DDIAS: variants seen among roughly 807,000 people sequenced by gnomAD.
DDIAS encodes DNA damage induced apoptosis suppressor, also known as DNA damage-induced apoptosis suppressor protein.
A neutral mutation model predicts 15.7 loss-of-function variants in DDIAS; 14 were observed. The ratio of observed to expected loss-of-function variants is 0.89; its 90% CI spans 0.59 to 1.39. The LOEUF is 1.39. Ranked by LOEUF, DDIAS falls within the 40% of genes most tolerant of loss-of-function variation. DDIAS has a pLI of 0.00. For missense variants in DDIAS, 1,035 were observed against 1,130.9 expected, an observed-to-expected ratio of 0.92 and a Z score of 1.22; for synonymous variants, 355 against 395.9, an observed-to-expected ratio of 0.90 and a Z score of 1.23.
At chr11:82,920,367 A>G (rs1860720403) in intron 3 of DDIAS, among the ~76,000 whole-genome samples, 2 of 151,862 alleles carry the variant, frequency 1.3e-5, no homozygotes, top group South Asian at 2.1e-4. Context: ...TTTTGTTTCA[A>G]TTACATTTAG....
intron 3 of DDIAS, among the ~76,000 whole-genome samples, chr11:82,915,912 G>A (rs569216870): frequency 3.9e-5 from 6 of 152,086 alleles, no homozygotes; most frequent in African/African-American, 1.4e-4. Flanking sequence ...CTTAGACACC[G>A]CAACTTTACG....
chr11:82,916,711 G>A (rs1048116354), intron 3 of DDIAS, among the ~76,000 whole-genome samples: 1 of 152,162 alleles, frequency 6.6e-6, no homozygotes, highest in African/African-American at 2.4e-5. Flanking sequence ...AGTAGGCACT[G>A]TGCTAGGAAC....
chr11:82,930,913 G>T lies in DDIAS; in HGVS notation c.393+639G>T, dbSNP rs1035540822. The stretch of plus-strand genomic sequence containing the variant: ...AATCCAAAGGGAAGGTAGAATCAAC[G>T]GCTACAGAGCTTTACTTGTTAAAAT... On this transcript the variant is annotated intron_variant, in intron 5 of 5. Transcript: ENST00000533655. 4.6e-5 allele frequency among the ~76,000 whole-genome samples: 7 copies of T among 152,090 alleles called. 1 individual carries two copies. Among genetic ancestry groups the T allele is most frequent in the Non-Finnish European group, 2.9e-5 (2 of 67,998 alleles).
chr11:82,931,850 G>C lies in DDIAS; in HGVS notation c.512G>C (p.Gly171Ala), dbSNP rs768719278. 1 of 1,614,164 alleles carries C rather than the reference G, an allele frequency of 6.2e-7. No homozygotes were observed. ...TGCCAGATTGTTCTACCAGACCCAGGTATTGCAGGCTTTACTGTCATTGAC... is the reference window on the plus strand; with the variant it reads ...TGCCAGATTGTTCTACCAGACCCAGCTATTGCAGGCTTTACTGTCATTGAC... ...VACQIVLPDP[G>A]IAGFTVIDYF... The change falls in exon 6 of 6, where the codon GGT (glycine) becomes GCT (alanine). Residue 171 changes from glycine to alanine, a missense_variant. Coordinates refer to ENST00000533655, the MANE Select transcript of DDIAS (RefSeq NM_145018.4).
intron 4 of DDIAS, among the ~76,000 whole-genome samples, chr11:82,929,834 A>G (rs1860946691): frequency 1.3e-5 from 2 of 152,214 alleles, no homozygotes; most frequent in South Asian, 4.1e-4. Flanking sequence ...TATCAGAGAA[A>G]AGGGATGACT....
chr11:82,933,530 C>A lies in DDIAS; in HGVS notation c.2192C>A (p.Ser731Ter). Residue 731 changes from serine (S) to a stop codon, truncating the protein, a stop_gained, in exon 6 of 6, where the codon TCA becomes TAA. Coordinates refer to ENST00000533655, the MANE Select transcript of DDIAS (RefSeq NM_145018.4). LOFTEE classifies it low-confidence loss of function (END_TRUNC). ...CTTTCTGAAGACTTCATCCAGCCTT[C>A]ACAAAAATTATCCTTGCAAAGCCTA... Reference protein sequence around the residue: ...RSLSEDFIQPSQKLSLQSLSD... With the variant: ...RSLSEDFIQP The A allele has an allele frequency of 6.2e-7, 1 of 1,614,062 alleles. No individual in the cohort carries two copies. The highest frequency in any genetic ancestry group is 8.5e-7 in the Non-Finnish European group (1 of 1,179,990).
Position 82,911,647 on chromosome 11 carries a change from T to A in DDIAS, c.-116-1640T>A, listed in dbSNP as rs79555968. On this transcript the variant is annotated intron_variant, in intron 1 of 5. Transcript: ENST00000533655. ...GGACTGGAATCAGCTTCTTCCAAACTCCAATTAGTGTGGATATTTTGACTT... is the reference window on the plus strand; with the variant it reads ...GGACTGGAATCAGCTTCTTCCAAACACCAATTAGTGTGGATATTTTGACTT... Among the ~76,000 whole-genome samples the A allele has an allele frequency of 2.0e-5, 3 of 152,180 alleles. No homozygotes were observed. The South Asian group carries it at 6.2e-4, about 32-fold the overall frequency.
intron 3 of DDIAS, among the ~76,000 whole-genome samples, chr11:82,915,917 T>G (rs967486437): frequency 6.6e-6 from 1 of 152,178 alleles, no homozygotes; most frequent in African/African-American, 2.4e-5. Context: ...ACACCGCAAC[T>G]TTACGCAAAA....
At chr11:82,928,119 CAATT>C (rs1377718310) in intron 3 of DDIAS, among the ~76,000 whole-genome samples, 1 of 141,590 alleles carries the variant, frequency 7.1e-6, no homozygotes, top group East Asian at 2.1e-4. Context: ...GAGAAAAATG[CAATT>C]AAGTGCTTTG....
intron 5 of DDIAS, among the ~76,000 whole-genome samples, chr11:82,930,517 T>G (rs1480305255): frequency 6.6e-6 from 1 of 152,060 alleles, no homozygotes; most frequent in East Asian, 1.9e-4. Context: ...ATTTATTATA[T>G]ATTTAGAAAT....
Position 82,931,788 on chromosome 11 carries a change from C to T in DDIAS, c.450C>T (p.Cys150=). The T allele has an allele frequency of 6.2e-7, 1 of 1,614,154 alleles. No individual in the cohort carries two copies. Among genetic ancestry groups the T allele is most frequent in the Non-Finnish European group, 8.5e-7 (1 of 1,180,006 alleles). ...ATGCCAGTAACTTCTTACAGCAATG[C>T]TCTGACCACAAAAGAAAAGCCAAAG... ...GSDASNFLQQ[C]SDHKRKAKAL... is the part of the protein sequence containing the mutation. The change falls in exon 6 of 6, where the codon TGC becomes TGT. Residue 150 remains cysteine, a synonymous_variant. Coordinates refer to ENST00000533655, the MANE Select transcript of DDIAS (RefSeq NM_145018.4).
Position 82,932,891 on chromosome 11 carries a change from A to G in DDIAS, c.1553A>G (p.Glu518Gly). 6.2e-7 allele frequency: 1 copy of G among 1,613,086 alleles called. No individual in the cohort carries two copies. Among genetic ancestry groups the G allele is most frequent in the Non-Finnish European group, 8.5e-7 (1 of 1,179,590 alleles). Residue 518 changes from glutamate (E) to glycine (G), a missense_variant, in exon 6 of 6, where the codon GAG becomes GGG. Physicochemically the swap from Glu to Gly is moderately conservative, Grantham distance 98 (BLOSUM62 -2). Coordinates refer to ENST00000533655, the MANE Select transcript of DDIAS (RefSeq NM_145018.4). ...GAGTCACAACCAGATAACAAAGTAG[A>G]GGCTGTCTCTGTAAATCATAATGGA... ...EKESQPDNKV[E>G]AVSVNHNGRD...
At chr11:82,914,069 TG>T (rs34592271) in intron 2 of DDIAS, 1 of 341,006 alleles carries the variant, frequency 2.9e-6, no homozygotes, top group African/African-American at 2.3e-5. Flanking sequence ...CCTGAGTAGC[TG>T]GGATTACAGG....
chr11:82,931,153 G>A (rs1860976624), intron 5 of DDIAS, among the ~76,000 whole-genome samples: 1 of 152,078 alleles, frequency 6.6e-6, no homozygotes, highest in Non-Finnish European at 1.5e-5. Context: ...GAAGACTCAG[G>A]TTAAATAAAT....
rs762210423 is a variant in DDIAS, at chr11:82,933,467, A to C, written c.2129A>C (p.Glu710Ala). The C allele has an allele frequency of 6.2e-7, 1 of 1,613,952 alleles. No individual in the cohort carries two copies. Among genetic ancestry groups the C allele is most frequent in the Non-Finnish European group, 8.5e-7 (1 of 1,179,974 alleles). The change falls in exon 6 of 6, where the codon GAA becomes GCA. Residue 710 changes from glutamate to alanine, a missense_variant. By Grantham distance (107) the Glu-to-Ala change is moderately radical. Transcript: ENST00000533655. ...TTAAAATGGGGAACATCTTTGGCAG[A>C]AAGTCACCCTTCAGAGTCTGATTTT... Reference protein sequence around the residue: ...ILLKWGTSLAESHPSESDFSL... With the variant: ...ILLKWGTSLAASHPSESDFSL...
chr11:82,907,917 G>T (rs567796285), intron 1 of DDIAS, among the ~76,000 whole-genome samples: 38 of 152,322 alleles, frequency 2.5e-4, no homozygotes, highest in African/African-American at 8.4e-4. Flanking sequence ...GTAGAGAACA[G>T]GGTGGACTAG....
chr11:82,918,813 GT>G (rs368436233), intron 3 of DDIAS, among the ~76,000 whole-genome samples: 2 of 150,886 alleles, frequency 1.3e-5, no homozygotes, highest in African/African-American at 2.4e-5. Context: ...TCCTAAATTT[GT>G]TTTTTTTGTG....
chr11:82,925,731 G>A (rs1860846159), intron 3 of DDIAS, among the ~76,000 whole-genome samples: 2 of 152,186 alleles, frequency 1.3e-5, no homozygotes, highest in African/African-American at 4.8e-5. Context: ...GCTCACACCT[G>A]TAATCCCAGC....
rs1164639462 is a variant in DDIAS, at chr11:82,914,895, A to G, written c.113+44A>G. 40 of 1,303,218 alleles carry G rather than the reference A, an allele frequency of 3.1e-5. No individual in the cohort carries two copies. In the Admixed American group the frequency reaches 7.8e-4, roughly 25 times the overall value. 80.7% of individuals were successfully genotyped at this position (1,303,218 alleles called of 1,614,324 possible). ...AGTGTGAGAGAGGAAATACAAATGC[A>G]CACTGTAGATTTCCTATGGCTCAAG... is the stretch of plus-strand genomic sequence containing the variant. On this transcript the variant is annotated intron_variant, in intron 3 of 5. Transcript: ENST00000533655.
Sources: gnomAD v4.1 joint callset for allele counts (sites outside exome capture counted in the v4.1 genomes callset) on GRCh38, gnomAD v4.1.1 for gene constraint, MANE v1.5 for transcripts, NCBI Gene and HGNC (gene_info 2026-07-23, HGNC 2026-07-21) for gene names.